Variants in ADAM12 observed in about 807,000 individuals in gnomAD.
The protein encoded by ADAM12 is ADAM metallopeptidase domain 12.
In ADAM12, 70 loss-of-function variants were observed where a neutral mutation model predicts 106.4. The ratio of observed to expected loss-of-function variants is 0.66; its 90% CI spans 0.54 to 0.80. The LOEUF (loss-of-function observed/expected upper bound fraction) is 0.80, where lower values mean the gene tolerates loss of function less well. Among genes scored for constraint, ADAM12 ranks in the 30% least tolerant of loss-of-function variants. ADAM12 has a pLI of 0.00. For synonymous variants in ADAM12, 420 were observed against 433.5 expected (o/e 0.97, Z 0.39); for missense variants, 1,010 against 1,171.9 (o/e 0.86, Z 2.02).
chr10:126,155,769 C>T (rs1248208536), intron 3 of ADAM12, among the ~76,000 whole-genome samples: 1 of 152,168 alleles, frequency 6.6e-6, no homozygotes, highest in East Asian at 1.9e-4. Flanking sequence ...ACAGCAGTGC[C>T]CCTGCTGGCT....
At chr10:126,376,927 G>C (rs12268156) in intron 1 of ADAM12, among the ~76,000 whole-genome samples, 8 of 152,108 alleles carry the variant, frequency 5.3e-5, no homozygotes, top group Admixed American at 5.2e-4. Flanking sequence ...CCTGCACTAC[G>C]GCCCTGTGGA....
At chr10:126,058,051 G>A (rs1024243809) in intron 14 of ADAM12, among the ~76,000 whole-genome samples, 4 of 152,154 alleles carry the variant, frequency 2.6e-5, no homozygotes, top group Admixed American at 6.5e-5. Context: ...CTTGGAACTC[G>A]ATGCCTGAGC....
chr10:126,029,391 T>C (rs1953935552), intron 21 of ADAM12, among the ~76,000 whole-genome samples: 1 of 152,168 alleles, frequency 6.6e-6, no homozygotes, highest in African/African-American at 2.4e-5. Flanking sequence ...ATATACACCA[T>C]GGAATACTAT....
At chr10:126,055,094 T>C in intron 14 of ADAM12, among the ~76,000 whole-genome samples, 1 of 152,190 alleles carries the variant, frequency 6.6e-6, no homozygotes, top group East Asian at 1.9e-4. Flanking sequence ...CCCTAATAGT[T>C]TTTGCACATC....
chr10:126,319,781 G>A (rs1159254840), intron 2 of ADAM12, among the ~76,000 whole-genome samples: 5 of 152,202 alleles, frequency 3.3e-5, no homozygotes. Flanking sequence ...TGAGGTACAT[G>A]AGAACCATAC....
chr10:126,347,055 T>A (rs1006603168), intron 1 of ADAM12, among the ~76,000 whole-genome samples: 2 of 152,214 alleles, frequency 1.3e-5, no homozygotes, highest in Non-Finnish European at 2.9e-5. Flanking sequence ...GTGAATTTGA[T>A]CCTGTCATTA....
chr10:126,177,691 C>A (rs899685574), intron 3 of ADAM12, among the ~76,000 whole-genome samples: 1 of 152,170 alleles, frequency 6.6e-6, no homozygotes, highest in African/African-American at 2.4e-5. Context: ...AATGCGGATA[C>A]AAATCGGCAA....
chr10:126,294,690 T>C (rs190594010), intron 2 of ADAM12, among the ~76,000 whole-genome samples: 46 of 151,850 alleles, frequency 3.0e-4, no homozygotes, highest in Admixed American at 2.9e-3. Context: ...AGCACGTGGG[T>C]GTGAATAACT....
chr10:126,036,201 G>T lies in ADAM12; in HGVS notation c.2474C>A (p.Ala825Glu). 6.5e-7 allele frequency: 1 copy of T among 1,546,016 alleles called. No homozygotes were observed. The highest frequency in any genetic ancestry group is 8.7e-7 in the Non-Finnish European group (1 of 1,151,900). The change falls in exon 21 of 23, where the codon GCA becomes GAA. Residue 825 changes from alanine to glutamate, a missense_variant. This residue lies in a region of ADAM12 where 615 missense variants were observed against 708.5 expected (regional missense o/e 0.87). Transcript: ENST00000448723. Reference protein sequence around the residue: ...VLPPLHRAPRAPSVPARPLPA... With the variant: ...VLPPLHRAPREPSVPARPLPA... Reference sequence around the variant, plus strand: ...CAGGGGTCTGGCAGGGACGCTAGGTGCACGTGGAGCCCGGTGGAGGGGAGG... The same window carrying T: ...CAGGGGTCTGGCAGGGACGCTAGGTTCACGTGGAGCCCGGTGGAGGGGAGG...
rs768219150 is a variant in ADAM12, at chr10:126,035,466, AAGC to A, written c.2529+677_2529+679del. The stretch of plus-strand genomic sequence containing the variant: ...TGGGACTAATTTTTAAGGCAAAACA[AAGC>A]AGCATATAAAACTGTGTACAAATAA... On this transcript the variant is annotated intron_variant, in intron 21 of 22. Transcript: ENST00000448723. Among the ~76,000 whole-genome samples the A allele has an allele frequency of 7.8e-4, 118 of 152,180 alleles. 1 individual carries two copies. The Middle Eastern group carries it at 0.01, about 13-fold the overall frequency.
chr10:126,162,797 G>C (rs1227751253), intron 3 of ADAM12, among the ~76,000 whole-genome samples: 1 of 152,130 alleles, frequency 6.6e-6, no homozygotes, highest in Non-Finnish European at 1.5e-5. Flanking sequence ...CACTCATAAA[G>C]GAGAGAAGAG....
intron 2 of ADAM12, among the ~76,000 whole-genome samples, chr10:126,289,524 GGAA>G (rs1960049042): frequency 6.6e-6 from 1 of 152,172 alleles, no homozygotes; most frequent in African/African-American, 2.4e-5. Flanking sequence ...GCTCACCATG[GGAA>G]GAAGGCCTAG....
intron 3 of ADAM12, among the ~76,000 whole-genome samples, chr10:126,178,773 G>T (rs183294294): frequency 6.6e-6 from 1 of 152,068 alleles, no homozygotes; most frequent in Non-Finnish European, 1.5e-5. Context: ...CAGGCCGGGC[G>T]CAGTGGCTCA....
chr10:126,235,986 G>C (rs1335825239), intron 3 of ADAM12, among the ~76,000 whole-genome samples: 1 of 152,116 alleles, frequency 6.6e-6, no homozygotes, highest in Non-Finnish European at 1.5e-5. Flanking sequence ...GGCAGCCCAG[G>C]GCCTGGCAGA....
chr10:126,383,201 G>T (rs1306638923), intron 1 of ADAM12, among the ~76,000 whole-genome samples: 3 of 152,070 alleles, frequency 2.0e-5, no homozygotes, highest in Admixed American at 1.3e-4. Flanking sequence ...CTGGGCTCAA[G>T]CAATCCTCCT....
chr10:126,259,344 TTGAGAGGAAAGTCAAGCTC>T (rs1958954521), intron 3 of ADAM12, among the ~76,000 whole-genome samples: 1 of 152,164 alleles, frequency 6.6e-6, no homozygotes, highest in South Asian at 2.1e-4. Flanking sequence ...TCAAGGAGCT[TTGAGAGGAAAGTCAAGCTC>T]TGCAAAGTTA....
intron 3 of ADAM12, among the ~76,000 whole-genome samples, chr10:126,264,759 T>C (rs1006288565): frequency 6.6e-6 from 1 of 152,080 alleles, no homozygotes; most frequent in Non-Finnish European, 1.5e-5. Context: ...GCCATTGCCA[T>C]TGGAATGGAA....
chr10:126,128,236 G>A (rs955357367), intron 5 of ADAM12, among the ~76,000 whole-genome samples: 6 of 152,098 alleles, frequency 3.9e-5, no homozygotes, highest in Admixed American at 6.5e-5. Context: ...GAGAGGCCCC[G>A]GTCTGCAGCT....
At chr10:126,364,069 A>T (rs1485999390) in intron 1 of ADAM12, among the ~76,000 whole-genome samples, 1 of 152,176 alleles carries the variant, frequency 6.6e-6, no homozygotes, top group Non-Finnish European at 1.5e-5. Flanking sequence ...ACAAGATTTA[A>T]AAAGAGAGAG....
Sources: allele counts gnomAD v4.1 joint callset (sites outside exome capture counted in the v4.1 genomes callset), GRCh38; gene constraint gnomAD v4.1.1; regional missense constraint gnomAD v4.1.1; transcripts MANE v1.5; gene names NCBI Gene and HGNC (gene_info 2026-07-23, HGNC 2026-07-21).